CUL4A: variants seen among roughly 807,000 people sequenced by gnomAD.
CUL4A encodes the protein cullin 4A.
A neutral mutation model predicts 95.5 loss-of-function variants in CUL4A; 16 were observed. The observed-to-expected ratio is 0.17, with a 90% CI of 0.11 to 0.25. The LOEUF (loss-of-function observed/expected upper bound fraction) is 0.25. Ranked by LOEUF, CUL4A falls within the 10% of genes least tolerant of loss-of-function variation. CUL4A has a pLI of 1.00. For synonymous variants in CUL4A, 380 were observed against 353.1 expected (o/e 1.08, Z -0.85); for missense variants, 610 against 937.0 (o/e 0.65, Z 4.56).
chr13:113,239,900 TCTC>T (rs1416333090), intron 10 of CUL4A, among the ~76,000 whole-genome samples: 1 of 152,252 alleles, frequency 6.6e-6, no homozygotes, highest in African/African-American at 2.4e-5. Context: ...TCAGACATGA[TCTC>T]CTCATGCCCT....
intron 15 of CUL4A, among the ~76,000 whole-genome samples, chr13:113,247,822 G>T (rs1190714936): frequency 6.6e-6 from 1 of 152,150 alleles, no homozygotes; most frequent in African/African-American, 2.4e-5. Flanking sequence ...AAGAACATAA[G>T]CACCTGTCAA....
chr13:113,225,271 G>A (rs185482840), intron 3 of CUL4A, among the ~76,000 whole-genome samples: 1 of 152,130 alleles, frequency 6.6e-6, no homozygotes, highest in East Asian at 1.9e-4. Context: ...CTCACATCCT[G>A]GAATTACTTG....
chr13:113,251,934 G>A (rs1171720583), intron 15 of CUL4A, among the ~76,000 whole-genome samples: 2 of 152,184 alleles, frequency 1.3e-5, no homozygotes, highest in Admixed American at 1.3e-4. Flanking sequence ...CCACGCCCTG[G>A]GCTGTGCAGA....
chr13:113,233,299 G>A lies in CUL4A; in HGVS notation c.635G>A (p.Ser212Asn), dbSNP rs1216742823. Reference protein sequence around the residue: ...RERSGEAVDRSLLRSLLGMLS... With the variant: ...RERSGEAVDRNLLRSLLGMLS... ...AGGAGCGGCGAGGCCGTGGACCGGAGCCTGTTGCGGAGCCTCCTGGGCATG... is the reference window on the plus strand; with the variant it reads ...AGGAGCGGCGAGGCCGTGGACCGGAACCTGTTGCGGAGCCTCCTGGGCATG... Residue 212 changes from serine to asparagine, a missense_variant, in exon 6 of 20, where the codon AGC (serine) becomes AAC (asparagine). Transcript: ENST00000375440. The A allele has an allele frequency of 4.3e-6, 7 of 1,613,376 alleles. No individual in the cohort carries two copies. Among genetic ancestry groups the A allele is most frequent in the Non-Finnish European group, 5.1e-6 (6 of 1,179,934 alleles).
At chr13:113,240,982 T>C (rs1283823913) in intron 10 of CUL4A, among the ~76,000 whole-genome samples, 1 of 152,158 alleles carries the variant, frequency 6.6e-6, no homozygotes, top group Non-Finnish European at 1.5e-5. Flanking sequence ...ATTATCTGAA[T>C]AAAGATTTCC....
chr13:113,233,381 G>T (rs1207136908), intron 6 of CUL4A, 42 bp downstream of exon 6: 1 of 1,552,186 alleles, frequency 6.4e-7, no homozygotes, highest in African/African-American at 1.4e-5. Flanking sequence ...TACCTGCCCA[G>T]CTACTTGCAC....
In CUL4A at chr13:113,228,514, T is replaced by A. The variant is rs9604038; in HGVS notation, c.438+469T>A. On this transcript the variant is annotated intron_variant, in intron 4 of 19. Coordinates refer to ENST00000375440, the MANE Select transcript of CUL4A (RefSeq NM_001008895.4). ...CCTAAGTAGGTTGAAATCTTCCGTT[T>A]TCTAAATGATATCAGTAGGAGACGA... Among the ~76,000 whole-genome samples, 943 of 152,234 alleles carry A rather than the reference T, an allele frequency of 6.2e-3. 8 individuals are homozygous for A. The highest frequency in any genetic ancestry group is 0.022 in the African/African-American group (904 of 41,524).
In CUL4A at chr13:113,209,627, C is replaced by G. The variant is rs1173997641; in HGVS notation, c.-1C>G. ...CGGGGCGCGGCGGTTCCGGCCCAGC[C>G]ATGGCGGACGAGGCCCCGCGGAAGG... is the stretch of plus-strand genomic sequence containing the variant. On this transcript the variant is annotated 5_prime_UTR_variant, in exon 1 of 20. Coordinates refer to ENST00000375440, the MANE Select transcript of CUL4A (RefSeq NM_001008895.4). 2 of 1,071,550 alleles carry G rather than the reference C, an allele frequency of 1.9e-6. No individual in the cohort carries two copies. The highest frequency in any genetic ancestry group is 2.3e-6 in the Non-Finnish European group (2 of 887,474). The allele number at this position is 1,071,550 out of a possible 1,614,324, so 66.4% of individuals were successfully genotyped here.
chr13:113,220,509 G>C (rs2040857927), intron 3 of CUL4A, among the ~76,000 whole-genome samples: 1 of 152,236 alleles, frequency 6.6e-6, no homozygotes, highest in Admixed American at 6.5e-5. Context: ...GCGCTTCCAG[G>C]AACCTACGTT....
At chr13:113,261,465 A>G (rs918656797) in intron 19 of CUL4A, among the ~76,000 whole-genome samples, 3 of 152,206 alleles carry the variant, frequency 2.0e-5, no homozygotes, top group Non-Finnish European at 4.4e-5. Context: ...AACACTTAAG[A>G]GTCTGGTGGA....
chr13:113,261,734 CAG>C (rs1491297726), intron 19 of CUL4A, among the ~76,000 whole-genome samples: 2 of 151,182 alleles, frequency 1.3e-5, no homozygotes, highest in East Asian at 2.0e-4. Flanking sequence ...ACTCTGCTCT[CAG>C]GGGTAGAGTG....
chr13:113,245,576 TAGAC>T (rs1003127805), intron 14 of CUL4A, among the ~76,000 whole-genome samples: 8 of 152,120 alleles, frequency 5.3e-5, no homozygotes, highest in South Asian at 2.1e-4. Context: ...AGATAATACA[TAGAC>T]AGAGATAGCA....
At chr13:113,208,732 G>A (rs372700568), upstream of CUL4A, 241 of 1,492,058 alleles carry the variant, frequency 1.6e-4, no homozygotes, top group Non-Finnish European at 2.1e-4. Flanking sequence ...TGGCGCCCCC[G>A]GCCCCGCCGC....
rs951195872 is a variant in CUL4A at position 113,227,516 on chromosome 13, G to A, written c.369-460G>A. Among the ~76,000 whole-genome samples, 20 of 152,288 alleles carry A rather than the reference G, an allele frequency of 1.3e-4. No individual in the cohort carries two copies. The East Asian group carries it at 3.7e-3, about 28-fold the overall frequency. On this transcript the variant is annotated intron_variant, in intron 3 of 19. Coordinates refer to ENST00000375440, the MANE Select transcript of CUL4A (RefSeq NM_001008895.4). Reference sequence around the variant, plus strand: ...GAGCTTCAGCCTATGAATTTTGGGGGGACATGAACATTCAAGACTAATATT... The same window carrying A: ...GAGCTTCAGCCTATGAATTTTGGGGAGACATGAACATTCAAGACTAATATT...
intron 15 of CUL4A, 33 bp from the exon 16 acceptor site, chr13:113,253,049 G>T (rs1387320790): frequency 1.9e-6 from 2 of 1,071,908 alleles, no homozygotes; most frequent in Admixed American, 3.8e-5. Flanking sequence ...GATGGTGTGT[G>T]GCATAATTTT....
At chr13:113,258,811 A>G (rs1163306366) in intron 18 of CUL4A, among the ~76,000 whole-genome samples, 1 of 152,234 alleles carries the variant, frequency 6.6e-6, no homozygotes, top group East Asian at 1.9e-4. Context: ...AGAAGTGACT[A>G]GCTTTGCTCA....
chr13:113,244,473 G>A lies in CUL4A; in HGVS notation c.1292G>A (p.Arg431Gln), dbSNP rs758802173. 1.1e-5 allele frequency: 18 copies of A among 1,613,552 alleles called. No individual in the cohort carries two copies. The highest frequency in any genetic ancestry group is 3.3e-5 in the Admixed American group (2 of 59,924). ...NKEATDEELE[R>Q]TLDKIMILFR... ...GAAGCCACAGACGAGGAGCTGGAGC[G>A]GACGTTGGACAAGATCATGATCCTG... is the stretch of plus-strand genomic sequence containing the variant. The change falls in exon 12 of 20, where the codon CGG becomes CAG. Residue 431 changes from arginine to glutamine, a missense_variant. By Grantham distance (43) the Arg-to-Gln change is conservative (BLOSUM62 1). Around this residue, in one of 10 missense-constraint regions of CUL4A, gnomAD observed 153 missense variants for 244.5 expected, o/e 0.63. Transcript: ENST00000375440.
intron 5 of CUL4A, chr13:113,229,796 G>A (rs1012343681): frequency 4.4e-5 from 21 of 480,908 alleles, no homozygotes; most frequent in Admixed American, 4.2e-4. Flanking sequence ...TCTCTCTGAC[G>A]ACTGGAGGTT....
intron 7 of CUL4A, among the ~76,000 whole-genome samples, chr13:113,234,224 C>T (rs1018618227): frequency 2.6e-5 from 4 of 152,076 alleles, no homozygotes; most frequent in African/African-American, 4.8e-5. Flanking sequence ...GCTGTAAGAT[C>T]ATTTCTGAAA....
Sources: gnomAD v4.1 joint callset for allele counts (sites outside exome capture counted in the v4.1 genomes callset) on GRCh38, gnomAD v4.1.1 for gene constraint, gnomAD v4.1.1 regional missense constraint, MANE v1.5 for transcripts, NCBI Gene and HGNC (gene_info 2026-07-23, HGNC 2026-07-21) for gene names.